The following ZPBP variants were observed in gnomAD, a reference collection of about 807,000 sequenced individuals.
ZPBP encodes zona pellucida binding protein, also known as zona pellucida-binding protein 1.
ZPBP carries 26 observed loss-of-function variants against 44.8 expected under a neutral mutation model. The observed-to-expected ratio is 0.58, with a 90% CI of 0.43 to 0.81. The LOEUF (loss-of-function observed/expected upper bound fraction) is 0.81. ZPBP is among the 30% of genes least tolerant of loss of function. The pLI is 0.00. For synonymous variants in ZPBP, 174 were observed against 153.2 expected (o/e 1.14, Z -1.00); for missense variants, 409 against 434.0 (o/e 0.94, Z 0.51).
intron 6 of ZPBP, among the ~76,000 whole-genome samples, chr7:50,001,954 C>A (rs1165509551): frequency 6.6e-6 from 1 of 152,056 alleles, no homozygotes; most frequent in Non-Finnish European, 1.5e-5. Context: ...ACTCAGGCTG[C>A]AATGCAGTGG....
intron 4 of ZPBP, among the ~76,000 whole-genome samples, chr7:50,039,008 A>T (rs769136377): frequency 1.3e-5 from 2 of 152,202 alleles, no homozygotes; most frequent in Non-Finnish European, 2.9e-5. Flanking sequence ...ACATAACTAG[A>T]TTATCTAAAA....
intron 4 of ZPBP, among the ~76,000 whole-genome samples, chr7:50,040,525 C>T (rs1219709050): frequency 6.6e-6 from 1 of 152,192 alleles, no homozygotes; most frequent in East Asian, 1.9e-4. Flanking sequence ...CGAGCTGAAG[C>T]AGGGTGGGTG....
chr7:49,966,880 T>C (rs1160760591), intron 7 of ZPBP, among the ~76,000 whole-genome samples: 3 of 152,040 alleles, frequency 2.0e-5, no homozygotes, highest in Non-Finnish European at 2.9e-5. Context: ...TAAATTCCCA[T>C]GGCATACACA....
chr7:50,089,875 A>C (rs1431825760), intron 1 of ZPBP, among the ~76,000 whole-genome samples, 166 bp from the exon 2 acceptor site: 1 of 152,086 alleles, frequency 6.6e-6, no homozygotes, highest in Non-Finnish European at 1.5e-5. Flanking sequence ...TGATCTGATA[A>C]ATTTAATCTA....
At chr7:49,862,017 G>C (rs189899825) in intron 2 of ZPBP, among the ~76,000 whole-genome samples, 1 of 152,136 alleles carries the variant, frequency 6.6e-6, no homozygotes, top group South Asian at 2.1e-4. Context: ...CATAAAAAAT[G>C]GTTGTTGGAA....
chr7:50,009,737 GCAAAA>G (rs1045356468), intron 6 of ZPBP, among the ~76,000 whole-genome samples: 1 of 151,688 alleles, frequency 6.6e-6, no homozygotes, highest in African/African-American at 2.4e-5. Context: ...CCCAAAGAAT[GCAAAA>G]CAAAACAAAA....
intron 4 of ZPBP, among the ~76,000 whole-genome samples, chr7:50,046,346 C>T (rs1346384422): frequency 6.6e-6 from 1 of 152,004 alleles, no homozygotes; most frequent in Non-Finnish European, 1.5e-5. Context: ...AAACTATCAT[C>T]AGAGTGAACA....
chr7:49,980,086 A>C (rs1281054710), intron 7 of ZPBP, among the ~76,000 whole-genome samples: 54 of 97,926 alleles, frequency 5.5e-4, no homozygotes, highest in African/African-American at 2.2e-3. Context: ...ATATAATATA[A>C]TTTTATATTA....
intron 6 of ZPBP, among the ~76,000 whole-genome samples, chr7:49,995,230 G>T (rs1797768571): frequency 6.6e-6 from 1 of 152,208 alleles, no homozygotes; most frequent in South Asian, 2.1e-4. Context: ...AAAGGAAAAG[G>T]TGATCAAGAT....
rs114357670 is a variant in ZPBP, at chr7:49,869,509, G to A, written n.510-18995C>T. Among the ~76,000 whole-genome samples the A allele has an allele frequency of 3.1e-3, 477 of 152,242 alleles. 2 individuals carry two copies. Among genetic ancestry groups the A allele is most frequent in the African/African-American group, 0.01 (432 of 41,532 alleles). ...TACAAAAGTAGGTGCTATGGTTGCT[G>A]TATCATGATATTTCTAAGCTTTATA... On this transcript the variant is annotated intron_variant and non_coding_transcript_variant, in intron 2 of 2. Transcript: ENST00000465922.
At chr7:49,854,384 G>A (rs888020592) in intron 2 of ZPBP, among the ~76,000 whole-genome samples, 1 of 152,078 alleles carries the variant, frequency 6.6e-6, no homozygotes, top group Non-Finnish European at 1.5e-5. Flanking sequence ...GTTGTTTCCT[G>A]ACTTTTTAAT....
chr7:49,970,588 T>G (rs60829537), intron 7 of ZPBP, among the ~76,000 whole-genome samples: 3,234 of 145,506 alleles, frequency 0.022, 137 homozygotes, highest in African/African-American at 0.078. Context: ...AAATTTAAAA[T>G]ACTGAAATCA....
intron 2 of ZPBP, among the ~76,000 whole-genome samples, chr7:49,879,146 T>C (rs1715296966): frequency 6.6e-6 from 1 of 152,202 alleles, no homozygotes; most frequent in East Asian, 1.9e-4. Context: ...TGTCAACGAC[T>C]ATATTTCTGG....
chr7:49,844,975 A>G, the ZPBP span, among the ~76,000 whole-genome samples: 1 of 152,040 alleles, frequency 6.6e-6, no homozygotes, highest in Admixed American at 6.6e-5. Flanking sequence ...CAGCCACCGC[A>G]CCCGGCCGGC....
intron 7 of ZPBP, among the ~76,000 whole-genome samples, chr7:49,981,375 A>T (rs1397665380): frequency 5.8e-4 from 1 of 1,712 alleles, no homozygotes; most frequent in Non-Finnish European, 9.3e-4. Flanking sequence ...AATTATATAT[A>T]TTATATATAA....
intron 1 of ZPBP, among the ~76,000 whole-genome samples, chr7:49,906,657 T>C (rs906431579): frequency 1.3e-5 from 2 of 152,184 alleles, no homozygotes; most frequent in Admixed American, 1.3e-4. Context: ...ATTTAATAAA[T>C]CATACTATCA....
intron 4 of ZPBP, among the ~76,000 whole-genome samples, chr7:50,037,254 A>T (rs1481162874): frequency 6.6e-5 from 10 of 152,210 alleles, no homozygotes; most frequent in Non-Finnish European, 1.5e-5. Flanking sequence ...ATTCTTTTTT[A>T]AAAACAACCA....
intron 4 of ZPBP, among the ~76,000 whole-genome samples, chr7:50,057,541 C>T (rs1801019071): frequency 6.6e-6 from 1 of 152,170 alleles, no homozygotes; most frequent in Non-Finnish European, 1.5e-5. Context: ...GTAATTCTTA[C>T]ACATATCAAC....
intron 7 of ZPBP, among the ~76,000 whole-genome samples, chr7:49,958,049 C>G (rs894060311): frequency 3.9e-5 from 6 of 152,174 alleles, no homozygotes; most frequent in African/African-American, 1.4e-4. Context: ...TTTGGACTTC[C>G]TTAGGGTCAT....
Sources: gnomAD v4.1 joint callset for allele counts (sites outside exome capture counted in the v4.1 genomes callset) on GRCh38, gnomAD v4.1.1 for gene constraint, MANE v1.5 for transcripts, NCBI Gene and HGNC (gene_info 2026-07-23, HGNC 2026-07-21) for gene names.